Variants in CFAP99 observed in about 807,000 individuals in gnomAD.
The protein encoded by CFAP99 is cilia and flagella associated protein 99.
In CFAP99, 84 loss-of-function variants were observed where a neutral mutation model predicts 82.7. The ratio of observed to expected loss-of-function variants is 1.02; its 90% CI spans 0.85 to 1.22. CFAP99 has a LOEUF of 1.22. Ranked by LOEUF, CFAP99 falls within the 50% of genes most tolerant of loss-of-function variation. The pLI is 0.00. For missense variants in CFAP99, 1,059 were observed against 983.5 expected, an observed-to-expected ratio of 1.08 and a Z score of -1.03; for synonymous variants, 456 against 429.5, an observed-to-expected ratio of 1.06 and a Z score of -0.76.
chr4:2,435,157 C>G (rs184330206), intron 2 of CFAP99, among the ~76,000 whole-genome samples: 30 of 151,994 alleles, frequency 2.0e-4, no homozygotes, highest in Admixed American at 9.2e-4. Flanking sequence ...ATTAGCCAGG[C>G]GTGGGTGGCT....
At chr4:2,452,100 C>T (rs762357302) in intron 10 of CFAP99, 42 bp from the exon 11 acceptor site, 50 of 1,527,906 alleles carry the variant, frequency 3.3e-5, no homozygotes, top group East Asian at 7.4e-5. Flanking sequence ...GCCTCTGTCA[C>T]GGGAGAAACC....
intron 14 of CFAP99, among the ~76,000 whole-genome samples, chr4:2,461,481 G>A (rs1039940215): frequency 2.0e-5 from 3 of 152,224 alleles, no homozygotes; most frequent in Non-Finnish European, 2.9e-5. Context: ...CAGGGCAACC[G>A]CTGCTGGTGC....
At chr4:2,432,985 C>T (rs1733828467) in intron 2 of CFAP99, among the ~76,000 whole-genome samples, 1 of 138,994 alleles carries the variant, frequency 7.2e-6, no homozygotes, top group African/African-American at 3.3e-5. Flanking sequence ...CCCCCACCCC[C>T]AGGCCCCAGG....
exon 13 of CFAP99, chr4:2,459,174 G>GCGGCGC (rs1483941353): frequency 1.3e-6 from 2 of 1,535,624 alleles, no homozygotes; most frequent in Non-Finnish European, 1.7e-6. Context: ...AGGAGGAGCA[G>GCGGCGC]CGGCGCCGTT....
At chr4:2,439,797 C>T (rs1348009386) in intron 4 of CFAP99, among the ~76,000 whole-genome samples, 2 of 152,128 alleles carry the variant, frequency 1.3e-5, no homozygotes, top group East Asian at 3.8e-4. Flanking sequence ...AGAAACCAAA[C>T]CCTGGAAACA....
At chr4:2,455,534 CAAAA>C (rs1190173767) in intron 11 of CFAP99, among the ~76,000 whole-genome samples, 1 of 152,100 alleles carries the variant, frequency 6.6e-6, no homozygotes, top group Non-Finnish European at 1.5e-5. Flanking sequence ...AACAAACAAA[CAAAA>C]ATTAGCTGGG....
intron 14 of CFAP99, among the ~76,000 whole-genome samples, chr4:2,460,567 T>C (rs992629417): frequency 6.6e-6 from 1 of 152,226 alleles, no homozygotes; most frequent in Admixed American, 6.5e-5. Context: ...TAGGAAGTAG[T>C]TGCAGGAATC....
rs549219198 is a variant in CFAP99, at chr4:2,460,258, G to T, written c.1661+16G>T. 469 of 1,534,888 alleles carry T rather than the reference G, an allele frequency of 3.1e-4. No individual in the cohort carries two copies. Among genetic ancestry groups the T allele is most frequent in the Non-Finnish European group, 4.0e-4 (453 of 1,145,974 alleles). ...CAGCCTTGAGGTTGGTACTGGGCTCGGGGAGGGTGCCTCTGGGTGGACAGG... is the reference window on the plus strand; with the variant it reads ...CAGCCTTGAGGTTGGTACTGGGCTCTGGGAGGGTGCCTCTGGGTGGACAGG... On this transcript the variant is annotated intron_variant, in intron 14 of 14. Coordinates refer to ENST00000635017, the Ensembl canonical transcript of CFAP99.
chr4:2,421,511 G>A (rs376836508), intron 1 of CFAP99, among the ~76,000 whole-genome samples: 2 of 151,872 alleles, frequency 1.3e-5, no homozygotes, highest in African/African-American at 4.8e-5. Context: ...CTGCCACCAC[G>A]CCTGGCTAAT....
intron 11 of CFAP99, among the ~76,000 whole-genome samples, chr4:2,453,958 C>T (rs1170574648): frequency 1.3e-5 from 2 of 151,050 alleles, no homozygotes; most frequent in African/African-American, 2.4e-5. Flanking sequence ...GGACTACAGG[C>T]GAGCACCACC....
intron 14 of CFAP99, among the ~76,000 whole-genome samples, chr4:2,460,895 C>A (rs568185116): frequency 6.6e-6 from 1 of 152,122 alleles, no homozygotes. Flanking sequence ...CACACCACCA[C>A]GCCCGGCTAA....
At chr4:2,444,825 G>T (rs1231756360) in intron 5 of CFAP99, among the ~76,000 whole-genome samples, 1 of 152,166 alleles carries the variant, frequency 6.6e-6, no homozygotes, top group Non-Finnish European at 1.5e-5. Context: ...AGAGCCCCTG[G>T]ATTCCTGCAG....
chr4:2,462,610 G>C lies in CFAP99; in HGVS notation c.1829G>C (p.Ser610Thr). The C allele has an allele frequency of 7.2e-7, 1 of 1,386,348 alleles. No homozygotes were observed. The highest frequency in any genetic ancestry group is 9.3e-7 in the Non-Finnish European group (1 of 1,072,450). The allele number at this position is 1,386,348 out of a possible 1,614,324, so 85.9% of individuals were successfully genotyped here. Residue 610 changes from serine (S) to threonine (T), a missense_variant, in exon 15 of 15, where the codon AGT becomes ACT. Transcript: ENST00000635017. The surrounding 1 kb of genome is among the most constrained non-coding windows in gnomAD (Gnocchi z 4.1). Reference sequence around the variant, plus strand: ...ACCGCGCGCCCCAAGCCCCGGGTGAGTCCGGATTGGTGGGAGGAGCCCGGG... The same window carrying C: ...ACCGCGCGCCCCAAGCCCCGGGTGACTCCGGATTGGTGGGAGGAGCCCGGG...
At chr4:2,447,195 T>G (rs1203810) in intron 6 of CFAP99, among the ~76,000 whole-genome samples, 1 of 150,676 alleles carries the variant, frequency 6.6e-6, no homozygotes, top group African/African-American at 2.4e-5. Flanking sequence ...GGTGAGTGAA[T>G]GAATGAATGA....
chr4:2,431,733 G>T (rs1303588151), intron 2 of CFAP99, among the ~76,000 whole-genome samples: 7 of 131,838 alleles, frequency 5.3e-5, no homozygotes, highest in Non-Finnish European at 1.1e-4. Context: ...GGTGGGAAAA[G>T]TCACTTTATT....
chr4:2,461,612 G>T (rs1211866389), intron 14 of CFAP99, among the ~76,000 whole-genome samples: 2 of 152,170 alleles, frequency 1.3e-5, no homozygotes, highest in Non-Finnish European at 2.9e-5. Flanking sequence ...TGGTGTTAGG[G>T]TGCCTCCAAA....
rs996886080 is a variant in CFAP99 at position 2,462,437 on chromosome 4, C to T, written c.1662-6C>T. On this transcript the variant is annotated splice_polypyrimidine_tract_variant and splice_region_variant and intron_variant, in intron 14 of 14. Coordinates refer to ENST00000635017, the Ensembl canonical transcript of CFAP99. This position sits in a 1 kb window ranked among gnomAD's most constrained non-coding sequence, Gnocchi z 4.1. ...CTGCTCCTGAGCCCGCCGCGTCGCC[C>T]GCCAGGTGGGAGGAAAAGAAGGCCC... is the stretch of plus-strand genomic sequence containing the variant. 2 of 1,434,130 alleles carry T rather than the reference C, an allele frequency of 1.4e-6. No individual in the cohort carries two copies. Among genetic ancestry groups the T allele is most frequent in the African/African-American group, 1.5e-5 (1 of 66,614 alleles). The allele number at this position is 1,434,130 out of a possible 1,614,324, so 88.8% of individuals were successfully genotyped here. A position where few individuals can be genotyped will look rare whatever the true frequency, so the allele number is the denominator to read the frequency against.
chr4:2,432,294 T>C, intron 2 of CFAP99, among the ~76,000 whole-genome samples: 1 of 152,250 alleles, frequency 6.6e-6, no homozygotes, highest in East Asian at 1.9e-4. Context: ...GGTGCTTTCT[T>C]GGAGGCCACA....
chr4:2,444,721 A>C (rs910870348), intron 5 of CFAP99, among the ~76,000 whole-genome samples: 13 of 152,092 alleles, frequency 8.5e-5, no homozygotes, highest in Admixed American at 6.5e-4. Context: ...ATAGTTCCAG[A>C]ATGTTCCTTT....
Sources: gnomAD v4.1 joint callset for allele counts (sites outside exome capture counted in the v4.1 genomes callset) on GRCh38, gnomAD v4.1.1 for gene constraint, Gnocchi (gnomAD v3.1) non-coding constraint, MANE v1.5 for transcripts, NCBI Gene and HGNC (gene_info 2026-07-23, HGNC 2026-07-21) for gene names.